Variants in ABI1 observed in about 807,000 individuals in gnomAD.
ABI1 encodes abl interactor 1, also known as Abelson interactor 1.
In ABI1, 14 loss-of-function variants were observed where a neutral mutation model predicts 54.6. The observed-to-expected ratio is 0.26, with a 90% CI of 0.17 to 0.40. The LOEUF is 0.40. Ranked by LOEUF, ABI1 falls within the 10% of genes least tolerant of loss-of-function variation. The pLI, the probability that ABI1 is intolerant of heterozygous loss-of-function variation, is 1.00. For missense variants in ABI1, 443 were observed against 598.3 expected (o/e 0.74, Z 2.71); for synonymous variants, 194 against 209.3 (o/e 0.93, Z 0.63).
At chr10:26,757,769 T>G (rs1838501832) in intron 8 of ABI1, among the ~76,000 whole-genome samples, 1 of 151,906 alleles carries the variant, frequency 6.6e-6, no homozygotes, top group Non-Finnish European at 1.5e-5. Context: ...TGTTTAAAAT[T>G]TAAACAAAAA....
intron 2 of ABI1, among the ~76,000 whole-genome samples, chr10:26,817,398 T>C (rs1275378249): frequency 6.6e-6 from 1 of 152,156 alleles, no homozygotes; most frequent in East Asian, 1.9e-4. Context: ...GATTCTGTTC[T>C]ACAAAAAAAA....
chr10:26,859,795 A>C (rs1564599561), intron 1 of ABI1, among the ~76,000 whole-genome samples: 1 of 152,250 alleles, frequency 6.6e-6, no homozygotes, highest in Non-Finnish European at 1.5e-5. Flanking sequence ...GAAACCTCAG[A>C]AAATAAGCAA....
At chr10:26,833,806 A>C (rs536083810) in intron 1 of ABI1, among the ~76,000 whole-genome samples, 1 of 149,928 alleles carries the variant, frequency 6.7e-6, no homozygotes, top group East Asian at 1.9e-4. Context: ...CATTACAAGA[A>C]ATTCACCCAA....
At chr10:26,767,994 C>T (rs188186675) in intron 6 of ABI1, among the ~76,000 whole-genome samples, 253 of 151,600 alleles carry the variant, frequency 1.7e-3, no homozygotes, top group Admixed American at 3.8e-3. Flanking sequence ...TGCAGTGAGC[C>T]GAGATCGCGT....
intron 7 of ABI1, 81 bp downstream of exon 7, chr10:26,765,137 T>C: frequency 2.1e-6 from 2 of 969,512 alleles, no homozygotes; most frequent in Non-Finnish European, 3.1e-6. Flanking sequence ...TTTTACTCAA[T>C]ATGACTAATT....
intron 2 of ABI1, among the ~76,000 whole-genome samples, chr10:26,796,894 A>G (rs893448534): frequency 6.6e-6 from 1 of 152,152 alleles, no homozygotes; most frequent in Non-Finnish European, 1.5e-5. Flanking sequence ...GGAGCATGCA[A>G]CTTAGGTCCC....
Position 26,751,762 on chromosome 10 carries a change from G to A in ABI1, c.1106C>T (p.Pro369Leu), listed in dbSNP as rs758873983. ...QENIADSPTP[P>L]PPPPPDDIPM... is the part of the protein sequence containing the mutation. ...AATGTCATCTGGTGGAGGTGGTGGC[G>A]GTGGAGTTGGACTATCAGCAACTAA... is the stretch of plus-strand genomic sequence containing the variant. Residue 369 changes from proline to leucine, a missense_variant, in exon 10 of 11, where the codon CCG becomes CTG. Physicochemically the swap from Pro to Leu is moderately conservative, Grantham distance 98. Transcript: ENST00000376140. 1.1e-5 allele frequency: 18 copies of A among 1,611,416 alleles called. No homozygotes were observed. The highest frequency in any genetic ancestry group is 2.7e-5 in the African/African-American group (2 of 74,770).
intron 1 of ABI1, among the ~76,000 whole-genome samples, chr10:26,834,314 A>G (rs1164164899): frequency 6.6e-6 from 1 of 152,128 alleles, no homozygotes; most frequent in African/African-American, 2.4e-5. Flanking sequence ...ACAGGCAACA[A>G]AGCAAAGTCA....
chr10:26,824,986 T>C (rs1190526539), intron 1 of ABI1, among the ~76,000 whole-genome samples: 1 of 152,208 alleles, frequency 6.6e-6, no homozygotes, highest in Non-Finnish European at 1.5e-5. Context: ...TAAAACAGAA[T>C]GCTAACCATC....
intron 3 of ABI1, among the ~76,000 whole-genome samples, chr10:26,772,920 AT>A (rs200523898): frequency 1.3e-5 from 2 of 151,826 alleles, no homozygotes; most frequent in South Asian, 2.1e-4. Context: ...AAAAAAAAAA[AT>A]AAAAAATTAG....
intron 2 of ABI1, among the ~76,000 whole-genome samples, chr10:26,822,225 A>C (rs1370504998): frequency 6.6e-6 from 1 of 152,220 alleles, no homozygotes; most frequent in Non-Finnish European, 1.5e-5. Flanking sequence ...GAAGCGTTTG[A>C]TAAAATTCAC....
At chr10:26,848,650 C>G (rs1386651252) in intron 1 of ABI1, among the ~76,000 whole-genome samples, 2 of 147,576 alleles carry the variant, frequency 1.4e-5, no homozygotes. Context: ...GCTCTATCAC[C>G]CAGGCTGGAG....
Position 26,768,398 on chromosome 10 carries a change from C to T in ABI1, c.719+454G>A, listed in dbSNP as rs182021998. Reference sequence around the variant, plus strand: ...CCGTCTCAACTCAAAATTAGCCAGGCGTGGTGGCTCAGGCCTGTAATCCCA... The same window carrying T: ...CCGTCTCAACTCAAAATTAGCCAGGTGTGGTGGCTCAGGCCTGTAATCCCA... On this transcript the variant is annotated intron_variant, in intron 6 of 10. Coordinates refer to ENST00000376140, the MANE Select transcript of ABI1 (RefSeq NM_001012750.3). 7.8e-4 allele frequency among the ~76,000 whole-genome samples: 118 copies of T among 151,744 alleles called. 1 individual carries two copies. In the East Asian group the frequency reaches 0.021, roughly 27 times the overall value.
Position 26,768,838 on chromosome 10 carries a change from AC to A in ABI1, c.719+13del, listed in dbSNP as rs1564472783. ...CACTTTAGAGATGTTGAGATACTCAACCTAAAGGCTTACCTGTGTGTCCTTG... is the reference window on the plus strand; with the variant it reads ...CACTTTAGAGATGTTGAGATACTCAACTAAAGGCTTACCTGTGTGTCCTTG... On this transcript the variant is annotated intron_variant, in intron 6 of 10. Transcript: ENST00000376140. 3 of 1,606,896 alleles carry A rather than the reference AC, an allele frequency of 1.9e-6. No homozygotes were observed. Among genetic ancestry groups the A allele is most frequent in the Non-Finnish European group, 2.5e-6 (3 of 1,176,480 alleles).
At chr10:26,809,098 C>A (rs779303624) in intron 2 of ABI1, among the ~76,000 whole-genome samples, 1 of 151,908 alleles carries the variant, frequency 6.6e-6, no homozygotes, top group African/African-American at 2.4e-5. Flanking sequence ...GGTGAAACCT[C>A]GTCTCTACCA....
chr10:26,785,255 A>G (rs1842597629), intron 2 of ABI1, among the ~76,000 whole-genome samples: 1 of 152,212 alleles, frequency 6.6e-6, no homozygotes, highest in Non-Finnish European at 1.5e-5. Flanking sequence ...AGGCAATTAT[A>G]CTTGAGTCTT....
chr10:26,857,038 A>C (rs1213215029), intron 1 of ABI1, among the ~76,000 whole-genome samples: 1 of 152,100 alleles, frequency 6.6e-6, no homozygotes. Flanking sequence ...AAACACTTTC[A>C]GCCAGGCATG....
intron 2 of ABI1, among the ~76,000 whole-genome samples, chr10:26,821,259 A>AAAG (rs58098101): frequency 1.3e-5 from 2 of 150,492 alleles, no homozygotes; most frequent in East Asian, 3.9e-4. Flanking sequence ...AAAAAAAAAA[A>AAAG]GTATAAAATA....
At position 26,770,338 on chromosome 10, in the gene ABI1, T is replaced by C; in HGVS notation, c.485A>G (p.Asn162Ser). 1 of 1,613,840 alleles carries C rather than the reference T, an allele frequency of 6.2e-7. No individual in the cohort carries two copies. The highest frequency in any genetic ancestry group is 1.1e-5 in the South Asian group (1 of 91,062). ...TGTGCCAGTTCTTGCAGGCTGGTTA[T>C]TTCCATGCTAAAATGTAGAAAGAAA... Reference protein sequence around the residue: ...GVKWLKAKHGNNQPARTGTLS... With the variant: ...GVKWLKAKHGSNQPARTGTLS... Residue 162 changes from asparagine (N) to serine (S), a missense_variant, in exon 5 of 11, where the codon AAT becomes AGT. By Grantham distance (46) the Asn-to-Ser change is conservative. Coordinates refer to ENST00000376140, the MANE Select transcript of ABI1 (RefSeq NM_001012750.3).
Sources: gnomAD v4.1 joint callset for allele counts (sites outside exome capture counted in the v4.1 genomes callset) on GRCh38, gnomAD v4.1.1 for gene constraint, MANE v1.5 for transcripts, NCBI Gene and HGNC (gene_info 2026-07-23, HGNC 2026-07-21) for gene names.